The following SMYD3 variants were observed in gnomAD, a reference collection of about 807,000 sequenced individuals.
The protein encoded by SMYD3 is SET and MYND domain containing 3.
Under a neutral mutation model 57.7 loss-of-function variants are expected in SMYD3, and 36 were observed. That is an observed-to-expected ratio of 0.62 (90% CI 0.48 to 0.82). The LOEUF is 0.82. Among genes scored for constraint, SMYD3 ranks in the 40% least tolerant of loss-of-function variants. SMYD3 has a pLI of 0.00. For missense variants in SMYD3, 515 were observed against 538.8 expected (o/e 0.96, Z 0.44); for synonymous variants, 211 against 195.0 (o/e 1.08, Z -0.68).
chr1:246,300,357 C>G (rs2064872603), intron 5 of SMYD3, among the ~76,000 whole-genome samples: 1 of 152,066 alleles, frequency 6.6e-6, no homozygotes, highest in Non-Finnish European at 1.5e-5. Context: ...GTTGAAGGAT[C>G]AAGGGGACTT....
intron 10 of SMYD3, among the ~76,000 whole-genome samples, chr1:245,851,563 C>G (rs1348912520): frequency 1.3e-5 from 2 of 152,176 alleles, no homozygotes; most frequent in Non-Finnish European, 2.9e-5. Context: ...GAGGTTCCTA[C>G]AGAGATCTGA....
chr1:246,045,251 A>C (rs902073965), intron 5 of SMYD3, among the ~76,000 whole-genome samples: 2 of 152,198 alleles, frequency 1.3e-5, no homozygotes, highest in African/African-American at 2.4e-5. Context: ...GCTATAGTAA[A>C]CAAAACAGCA....
intron 5 of SMYD3, among the ~76,000 whole-genome samples, chr1:246,009,963 T>C (rs1409103130): frequency 6.8e-3 from 1 of 146 alleles, no homozygotes. Context: ...CACAGGTGAG[T>C]GCTACCATGC....
intron 7 of SMYD3, among the ~76,000 whole-genome samples, chr1:245,925,653 A>G (rs184313907): frequency 6.6e-6 from 1 of 152,346 alleles, no homozygotes; most frequent in Non-Finnish European, 1.5e-5. Flanking sequence ...GCCGGTCATT[A>G]GAGTAAGCTC....
chr1:246,192,005 A>T (rs892480923), intron 5 of SMYD3, among the ~76,000 whole-genome samples: 12 of 152,242 alleles, frequency 7.9e-5, no homozygotes, highest in African/African-American at 2.9e-4. Flanking sequence ...GAGTGTTGTT[A>T]TTACGGAAAA....
intron 1 of SMYD3, among the ~76,000 whole-genome samples, chr1:246,391,877 C>A (rs966938612): frequency 5.9e-5 from 9 of 152,304 alleles, no homozygotes; most frequent in East Asian, 1.9e-4. Context: ...CTATAAATCT[C>A]ATCTTACCCC....
intron 5 of SMYD3, among the ~76,000 whole-genome samples, chr1:246,243,830 G>C (rs1325512523): frequency 2.0e-5 from 3 of 151,842 alleles, no homozygotes; most frequent in African/African-American, 4.8e-5. Context: ...ACAAGAGATT[G>C]AGAGTTAAGA....
chr1:245,770,387 C>T (rs544499639), intron 10 of SMYD3, among the ~76,000 whole-genome samples: 4 of 152,300 alleles, frequency 2.6e-5, no homozygotes, highest in African/African-American at 9.6e-5. Flanking sequence ...ACATTCCTGG[C>T]TTTCGACTCT....
intron 5 of SMYD3, among the ~76,000 whole-genome samples, chr1:246,311,023 A>G (rs1300471031): frequency 2.0e-5 from 3 of 152,126 alleles, no homozygotes; most frequent in Admixed American, 1.3e-4. Flanking sequence ...GTTAGTAAAT[A>G]TGTGACCTAT....
At chr1:245,918,508 G>T (rs758465622) in intron 7 of SMYD3, among the ~76,000 whole-genome samples, 2 of 152,178 alleles carry the variant, frequency 1.3e-5, no homozygotes, top group Non-Finnish European at 1.5e-5. Context: ...GCCACTTTTT[G>T]ATTTCCTCCA....
chr1:246,094,622 T>C (rs951546276), intron 5 of SMYD3, among the ~76,000 whole-genome samples: 8 of 152,178 alleles, frequency 5.3e-5, no homozygotes, highest in African/African-American at 1.9e-4. Context: ...GGTCAAAGAA[T>C]TGCCGTTCAA....
chr1:245,939,006 C>A (rs528171994), intron 5 of SMYD3, among the ~76,000 whole-genome samples: 1 of 151,820 alleles, frequency 6.6e-6, no homozygotes, highest in Admixed American at 6.6e-5. Flanking sequence ...ATTAGCCGGG[C>A]GTGGTGGCCT....
intron 1 of SMYD3, among the ~76,000 whole-genome samples, chr1:246,382,216 G>A (rs146484893): frequency 2.6e-5 from 4 of 152,100 alleles, no homozygotes; most frequent in Non-Finnish European, 5.9e-5. Context: ...CAGGCCCAAC[G>A]CAGGCTCCAG....
Position 245,999,481 on chromosome 1 carries a change from C to G in SMYD3, c.532-69544G>C, listed in dbSNP as rs2058996543. Among the ~76,000 whole-genome samples the G allele has an allele frequency of 4.6e-5, 7 of 152,156 alleles. No individual in the cohort carries two copies. The South Asian group carries it at 1.2e-3, about 27-fold the overall frequency. ...CAAGGTTAAGTATCTTGCCCAAGAT[C>G]ACAGAGCAAGACATGGCAAAACCTA... On this transcript the variant is annotated intron_variant, in intron 5 of 11. Coordinates refer to ENST00000490107, the MANE Select transcript of SMYD3 (RefSeq NM_001167740.2).
chr1:246,219,854 C>T (rs920295520), intron 5 of SMYD3, among the ~76,000 whole-genome samples: 20 of 152,096 alleles, frequency 1.3e-4, no homozygotes, highest in Admixed American at 7.2e-4. Flanking sequence ...AGGGGTGGAA[C>T]GCAGCAGATC....
intron 1 of SMYD3, among the ~76,000 whole-genome samples, chr1:246,432,953 T>C (rs2103011025): frequency 6.6e-6 from 1 of 152,254 alleles, no homozygotes; most frequent in East Asian, 1.9e-4. Context: ...TAAGAATGCA[T>C]TTCTGGAAGT....
intron 5 of SMYD3, among the ~76,000 whole-genome samples, chr1:246,132,130 A>G (rs2061597737): frequency 1.3e-5 from 2 of 152,178 alleles, no homozygotes; most frequent in African/African-American, 4.8e-5. Flanking sequence ...CATAAAAGGC[A>G]TGCTTACCAA....
chr1:246,315,271 G>C (rs1037469307), intron 5 of SMYD3, among the ~76,000 whole-genome samples: 5 of 152,192 alleles, frequency 3.3e-5, no homozygotes, highest in Admixed American at 2.0e-4. Flanking sequence ...AAAAAGGACA[G>C]ACAACTTAGA....
At chr1:246,088,752 A>C (rs890834056) in intron 5 of SMYD3, among the ~76,000 whole-genome samples, 1 of 152,128 alleles carries the variant, frequency 6.6e-6, no homozygotes, top group African/African-American at 2.4e-5. Context: ...AAGTTTGAAA[A>C]ATTAGCTTTG....
Sources: gnomAD v4.1 joint callset for allele counts (sites outside exome capture counted in the v4.1 genomes callset) on GRCh38, gnomAD v4.1.1 for gene constraint, MANE v1.5 for transcripts, NCBI Gene and HGNC (gene_info 2026-07-23, HGNC 2026-07-21) for gene names.